The following C22orf42 variants were observed in gnomAD, a reference collection of about 807,000 sequenced individuals.
C22orf42 encodes chromosome 22 open reading frame 42.
In C22orf42, 24 loss-of-function variants were observed where a neutral mutation model predicts 31.4. The ratio of observed to expected loss-of-function variants is 0.77; its 90% CI spans 0.55 to 1.08. The LOEUF (loss-of-function observed/expected upper bound fraction) is 1.08. Ranked by LOEUF, C22orf42 falls within the 50% of genes least tolerant of loss-of-function variation. The pLI, the probability that C22orf42 is intolerant of heterozygous loss-of-function variation, is 0.00. For synonymous variants in C22orf42, 96 were observed against 112.7 expected (o/e 0.85, Z 0.94); for missense variants, 276 against 327.3 (o/e 0.84, Z 1.21).
chr22:32,158,848 G>A (rs971619105), intron 1 of C22orf42, 136 bp downstream of exon 1: 18 of 959,830 alleles, frequency 1.9e-5, no homozygotes, highest in African/African-American at 3.3e-5. Context: ...CCCATGCCTA[G>A]CCCTGGGAAA....
chr22:32,149,667 ATC>A (rs1267719376), intron 8 of C22orf42, 54 bp from the exon 9 acceptor site: 4 of 1,236,808 alleles, frequency 3.2e-6, no homozygotes, highest in Non-Finnish European at 4.2e-6. Flanking sequence ...ATATATATAT[ATC>A]TACATATATG....
At chr22:32,151,819 G>A (rs1313418905) in intron 4 of C22orf42, among the ~76,000 whole-genome samples, 1 of 152,198 alleles carries the variant, frequency 6.6e-6, no homozygotes, top group African/African-American at 2.4e-5. Context: ...GAAAGGCGCT[G>A]TACTATAGAA....
At chr22:32,151,725 T>C (rs935723743) in intron 4 of C22orf42, among the ~76,000 whole-genome samples, 174 bp from the exon 5 acceptor site, 16 of 152,036 alleles carry the variant, frequency 1.1e-4, no homozygotes, top group Middle Eastern at 3.4e-3. Flanking sequence ...AGGAGAAGGG[T>C]AGAAAGAAAT....
At chr22:32,152,328 A>C (rs1921007709) in intron 3 of C22orf42, among the ~76,000 whole-genome samples, 3 of 152,284 alleles carry the variant, frequency 2.0e-5, no homozygotes, top group Middle Eastern at 3.4e-3. Context: ...CAAGGAGAAA[A>C]GGTTGCTACT....
intron 8 of C22orf42, 34 bp downstream of exon 8, chr22:32,149,719 A>G (rs778303505): frequency 5.0e-6 from 6 of 1,190,516 alleles, no homozygotes; most frequent in Non-Finnish European, 6.5e-6. Context: ...ATCTACATAT[A>G]TATCTATATA....
chr22:32,150,761 A>G (rs1242988011), intron 6 of C22orf42: 4 of 636,208 alleles, frequency 6.3e-6, no homozygotes, highest in Non-Finnish European at 8.4e-6. Flanking sequence ...TAGAAACAGG[A>G]AGTACATTCG....
chr22:32,157,358 G>A (rs1220998264), intron 1 of C22orf42, among the ~76,000 whole-genome samples: 4 of 151,982 alleles, frequency 2.6e-5, no homozygotes, highest in Non-Finnish European at 5.9e-5. Context: ...ATCCTCCAGT[G>A]GTTTCCCATC....
intron 1 of C22orf42, among the ~76,000 whole-genome samples, chr22:32,158,682 C>T (rs1186500250): frequency 1.3e-5 from 2 of 152,168 alleles, no homozygotes; most frequent in African/African-American, 4.8e-5. Flanking sequence ...CACTTAGGTA[C>T]CAGACCAGCT....
rs1921461475 is a variant in C22orf42, at chr22:32,159,222, C to T, written c.-7G>A. On this transcript the variant is annotated 5_prime_UTR_variant, in exon 1 of 9. In the 5' UTR this introduces an upstream ATG that the reference lacks. Transcript: ENST00000382097. Reference sequence around the variant, plus strand: ...AAGTCAGTTTGCTCCCCATTGGGCACCTAAACACACAAAAAAGTCCAAGAG... The same window carrying T: ...AAGTCAGTTTGCTCCCCATTGGGCATCTAAACACACAAAAAAGTCCAAGAG... The T allele has an allele frequency of 6.2e-7, 1 of 1,611,808 alleles. No individual in the cohort carries two copies. The highest frequency in any genetic ancestry group is 8.5e-7 in the Non-Finnish European group (1 of 1,179,890).
At chr22:32,156,129 A>G (rs2149513748) in intron 1 of C22orf42, among the ~76,000 whole-genome samples, 1 of 152,142 alleles carries the variant, frequency 6.6e-6, no homozygotes, top group South Asian at 2.1e-4. Flanking sequence ...TAACTACTTT[A>G]ATAAACTAAA....
intron 5 of C22orf42, 125 bp from the exon 6 acceptor site, chr22:32,151,144 G>A: frequency 2.0e-6 from 2 of 984,006 alleles, no homozygotes; most frequent in South Asian, 3.0e-5. Context: ...CAAGTCACTG[G>A]CCCCCAAATA....
chr22:32,154,545 C>T (rs1450766900), intron 1 of C22orf42, among the ~76,000 whole-genome samples: 1 of 152,212 alleles, frequency 6.6e-6, no homozygotes, highest in African/African-American at 2.4e-5. Flanking sequence ...ACTGTTTGTG[C>T]AGGCAGATAC....
At chr22:32,150,613 C>T (rs2094111243) in intron 6 of C22orf42, 134 bp from the exon 7 acceptor site, 1 of 838,954 alleles carries the variant, frequency 1.2e-6, no homozygotes, top group Non-Finnish European at 1.9e-6. Flanking sequence ...GCTGCTGGAC[C>T]ATTCTCCTTG....
At chr22:32,150,058 T>C in intron 7 of C22orf42, 1 of 548,352 alleles carries the variant, frequency 1.8e-6, no homozygotes, top group South Asian at 2.9e-5. Context: ...TTGTAAGTGA[T>C]GCGCTCATTT....
At chr22:32,157,580 A>C (rs1349166919) in intron 1 of C22orf42, among the ~76,000 whole-genome samples, 1 of 152,216 alleles carries the variant, frequency 6.6e-6, no homozygotes, top group African/African-American at 2.4e-5. Context: ...TTTTCAATTT[A>C]TTTTAAAAAA....
At chr22:32,151,723 G>T (rs758154615) in intron 4 of C22orf42, among the ~76,000 whole-genome samples, 172 bp from the exon 5 acceptor site, 1 of 152,186 alleles carries the variant, frequency 6.6e-6, no homozygotes, top group Non-Finnish European at 1.5e-5. Flanking sequence ...AAAGGAGAAG[G>T]GTAGAAAGAA....
Position 32,152,577 on chromosome 22 carries a change from A to G in C22orf42, c.357T>C (p.Asn119=). The G allele has an allele frequency of 6.2e-7, 1 of 1,612,190 alleles. No individual in the cohort carries two copies. The highest frequency in any genetic ancestry group is 1.3e-5 in the African/African-American group (1 of 74,584). The change falls in exon 3 of 9, where the codon AAT becomes AAC. Residue 119 remains asparagine (N), a synonymous_variant. Coordinates refer to ENST00000382097, the MANE Select transcript of C22orf42 (RefSeq NM_001010859.3). ...QASAHGGVEE[N]MTSDIEIPEA... ...TACATCTTACAATATCTGATGTCAT[A>G]TTCTCCTCCACACCGCCGTGTGCAG...
intron 8 of C22orf42, 37 bp from the exon 9 acceptor site, chr22:32,149,650 A>T (rs9606913): frequency 0.054 from 64,058 of 1,186,688 alleles, 898 homozygotes; most frequent in African/African-American, 0.059. Flanking sequence ...TCAAAAAAAA[A>T]ATATATATAT....
chr22:32,152,479 CA>C, intron 3 of C22orf42, 82 bp downstream of exon 3: 1 of 1,232,470 alleles, frequency 8.1e-7, no homozygotes, highest in Non-Finnish European at 1.2e-6. Flanking sequence ...TGATGGCAGT[CA>C]AAAATGATAC....
Sources: gnomAD v4.1 joint callset for allele counts (sites outside exome capture counted in the v4.1 genomes callset) on GRCh38, gnomAD v4.1.1 for gene constraint, MANE v1.5 for transcripts, NCBI Gene and HGNC (gene_info 2026-07-23, HGNC 2026-07-21) for gene names.